The following UBE2E2 variants were observed in gnomAD, a reference collection of about 807,000 sequenced individuals.
The protein encoded by UBE2E2 is ubiquitin-conjugating enzyme E2 E2.
Under a neutral mutation model 24.7 loss-of-function variants are expected in UBE2E2, and 6 were observed. That is an observed-to-expected ratio of 0.24 (90% CI 0.13 to 0.48). UBE2E2 has a LOEUF of 0.48. UBE2E2 is among the 20% of genes least tolerant of loss of function. The pLI is 0.99. For synonymous variants in UBE2E2, 104 were observed against 83.6 expected (o/e 1.24, Z -1.33); for missense variants, 169 against 245.0 (o/e 0.69, Z 2.07).
intron 4 of UBE2E2, among the ~76,000 whole-genome samples, chr3:23,503,046 G>A (rs1694308191): frequency 6.6e-6 from 1 of 152,102 alleles, no homozygotes; most frequent in South Asian, 2.1e-4. Context: ...TGAACTGCTA[G>A]TGTGTGTAAA....
At chr3:23,299,715 G>A (rs1699015634) in intron 3 of UBE2E2, among the ~76,000 whole-genome samples, 1 of 152,170 alleles carries the variant, frequency 6.6e-6, no homozygotes, top group Non-Finnish European at 1.5e-5. Context: ...TATGTGGTCA[G>A]TTTTGGAGTA....
At chr3:23,251,053 C>G (rs774706629) in intron 3 of UBE2E2, among the ~76,000 whole-genome samples, 2 of 152,170 alleles carry the variant, frequency 1.3e-5, no homozygotes, top group Non-Finnish European at 2.9e-5. Flanking sequence ...AAGACAGGGT[C>G]TTGCTATGTT....
intron 3 of UBE2E2, among the ~76,000 whole-genome samples, chr3:23,357,045 AT>A (rs1365551144): frequency 6.6e-6 from 1 of 152,132 alleles, no homozygotes. Flanking sequence ...GGGAGGGGAG[AT>A]TCTGTAGAAA....
At position 23,203,459 on chromosome 3, in the gene UBE2E2, C is replaced by CT. The variant is rs1017501820; in HGVS notation, c.-14_-13insT. 25 of 926,070 alleles carry CT rather than the reference C, an allele frequency of 2.7e-5. No homozygotes were observed. Among genetic ancestry groups the CT allele is most frequent in the Middle Eastern group, 5.4e-4 (1 of 1,836 alleles). 57.4% of individuals were successfully genotyped at this position (926,070 alleles called of 1,614,324 possible). ...CCTGCGACCTGCACGGACACCCCCC[C>CT]CTCAGGTATTCGCTCGGGCCGCGCC... On this transcript the variant is annotated 5_prime_UTR_variant, in exon 1 of 6. Transcript: ENST00000396703.
chr3:23,438,199 C>G (rs1240896325), intron 3 of UBE2E2, among the ~76,000 whole-genome samples: 3 of 152,130 alleles, frequency 2.0e-5, no homozygotes, highest in African/African-American at 7.2e-5. Flanking sequence ...TCCAGACAAG[C>G]TTCAGAAAGA....
At chr3:23,335,666 C>A (rs1230852220) in intron 3 of UBE2E2, among the ~76,000 whole-genome samples, 1 of 152,064 alleles carries the variant, frequency 6.6e-6, no homozygotes, top group Non-Finnish European at 1.5e-5. Flanking sequence ...TCCTGAGTAG[C>A]TGGGACTACA....
chr3:23,330,717 C>T (rs930495868), intron 3 of UBE2E2, among the ~76,000 whole-genome samples: 1 of 152,194 alleles, frequency 6.6e-6, no homozygotes, highest in African/African-American at 2.4e-5. Context: ...TTCTAAAATG[C>T]TCCAGACTTT....
intron 3 of UBE2E2, among the ~76,000 whole-genome samples, chr3:23,482,644 A>G (rs946938970): frequency 2.2e-4 from 33 of 152,208 alleles, no homozygotes; most frequent in African/African-American, 6.5e-4. Context: ...TGTGCCTGTC[A>G]TTGACAGCCT....
At chr3:23,558,352 C>T (rs1414256578) in intron 5 of UBE2E2, among the ~76,000 whole-genome samples, 2 of 152,196 alleles carry the variant, frequency 1.3e-5, no homozygotes, top group Non-Finnish European at 2.9e-5. Flanking sequence ...TCCTCCTTCT[C>T]TGCCCCTCAG....
chr3:23,303,186 A>C (rs1699148851), intron 3 of UBE2E2, among the ~76,000 whole-genome samples: 1 of 151,702 alleles, frequency 6.6e-6, no homozygotes, highest in Non-Finnish European at 1.5e-5. Flanking sequence ...ATGATCTGTC[A>C]CTGTCTCCCG....
chr3:23,234,592 T>G (rs1036594967), intron 3 of UBE2E2, among the ~76,000 whole-genome samples: 6 of 152,170 alleles, frequency 3.9e-5, no homozygotes, highest in Admixed American at 3.9e-4. Context: ...CAGCATTGAC[T>G]TTATAAGTTA....
intron 3 of UBE2E2, among the ~76,000 whole-genome samples, chr3:23,371,001 T>A (rs1429659754): frequency 6.6e-6 from 1 of 152,122 alleles, no homozygotes; most frequent in Non-Finnish European, 1.5e-5. Context: ...AATAATAGAA[T>A]CTATAACCAA....
intron 3 of UBE2E2, among the ~76,000 whole-genome samples, chr3:23,439,095 C>T (rs939394567): frequency 6.6e-6 from 1 of 152,116 alleles, no homozygotes; most frequent in African/African-American, 2.4e-5. Context: ...AACAGGAACT[C>T]AATAATACTT....
At chr3:23,573,557 C>T (rs1278401296) in intron 5 of UBE2E2, among the ~76,000 whole-genome samples, 3 of 152,130 alleles carry the variant, frequency 2.0e-5, no homozygotes, top group Non-Finnish European at 4.4e-5. Flanking sequence ...TAAGGCAAAG[C>T]TGAATGTTCC....
At chr3:23,485,463 A>G (rs1699346215) in intron 3 of UBE2E2, among the ~76,000 whole-genome samples, 2 of 152,196 alleles carry the variant, frequency 1.3e-5, no homozygotes, top group South Asian at 4.2e-4. Context: ...TACAGAGCCT[A>G]TTTTAGCCAT....
intron 3 of UBE2E2, among the ~76,000 whole-genome samples, chr3:23,308,659 G>A (rs937070551): frequency 2.6e-5 from 4 of 152,154 alleles, no homozygotes; most frequent in African/African-American, 9.7e-5. Context: ...GATTAGCTGA[G>A]TGTATTAGTC....
At chr3:23,430,515 G>C (rs9852053) in intron 3 of UBE2E2, among the ~76,000 whole-genome samples, 1 of 150,790 alleles carries the variant, frequency 6.6e-6, no homozygotes, top group South Asian at 2.1e-4. Flanking sequence ...GTTGTGTGGC[G>C]TTTTTTTTGT....
At chr3:23,462,330 G>C (rs749177102) in intron 3 of UBE2E2, among the ~76,000 whole-genome samples, 3 of 152,106 alleles carry the variant, frequency 2.0e-5, no homozygotes, top group Non-Finnish European at 4.4e-5. Flanking sequence ...CAATTGAGGA[G>C]TTTTGAAATG....
At chr3:23,546,181 A>T (rs1201629248) in intron 5 of UBE2E2, among the ~76,000 whole-genome samples, 3 of 152,174 alleles carry the variant, frequency 2.0e-5, no homozygotes, top group South Asian at 2.1e-4. Flanking sequence ...ATTTTTAAAA[A>T]TTTTTCAAAG....
Sources: allele counts gnomAD v4.1 joint callset (sites outside exome capture counted in the v4.1 genomes callset), GRCh38; gene constraint gnomAD v4.1.1; transcripts MANE v1.5; gene names NCBI Gene and HGNC (gene_info 2026-07-23, HGNC 2026-07-21).